Variants in KLHDC7B observed in about 807,000 individuals in gnomAD.
KLHDC7B encodes kelch domain-containing protein 7B.
A neutral mutation model predicts 0.6 loss-of-function variants in KLHDC7B; 1 was observed. The ratio of observed to expected loss-of-function variants is 1.71; its 90% confidence interval spans 0.61 to 8.11. The LOEUF (loss-of-function observed/expected upper bound fraction) is 8.11, where lower values mean the gene tolerates loss of function less well. Ranked by LOEUF, KLHDC7B falls within the 30% of genes most tolerant of loss-of-function variation. The pLI, the probability that KLHDC7B is intolerant of heterozygous loss-of-function variation, is 0.13. For missense variants in KLHDC7B, 993 were observed against 894.9 expected (o/e 1.11, Z -1.40); for synonymous variants, 462 against 405.2 (o/e 1.14, Z -1.68).
chr22:50,549,744 G>GGGCCC lies in KLHDC7B; in HGVS notation c.1578_1579insGGCCC (p.Pro527GlyfsTer58). ...GGAGCAGGGCTGCCTCCCTGCCCCT[G>GGGCCC]CCCGCCCCCGCCCCACTGCACTGCA... is the stretch of plus-strand genomic sequence containing the variant. On this transcript the variant is annotated frameshift_variant, in exon 1 of 1. Transcript: ENST00000395676. LOFTEE classifies it low-confidence loss of function (END_TRUNC). The GGGCCC allele has an allele frequency of 1.9e-6, 3 of 1,554,508 alleles. No homozygotes were observed. The highest frequency in any genetic ancestry group is 2.6e-6 in the Non-Finnish European group (3 of 1,152,326).
Position 50,549,172 on chromosome 22 carries a change from A to G in KLHDC7B, c.2929A>G (p.Thr977Ala), listed in dbSNP as rs142853011. ...NPRENTWRPL[T>A]QVPEEAPLRG... The stretch of plus-strand genomic sequence containing the variant: ...CCGGGAGAACACCTGGCGGCCCCTG[A>G]CCCAGGTGCCCGAGGAGGCCCCGCT... The change falls in exon 1 of 1, where the codon ACC (threonine) becomes GCC (alanine). Residue 977 changes from threonine (T) to alanine (A), a missense_variant. Coordinates refer to ENST00000648057, the MANE Select transcript of KLHDC7B (RefSeq NM_138433.5). 8.7e-6 allele frequency: 14 copies of G among 1,605,188 alleles called. No homozygotes were observed. In the South Asian group the frequency reaches 1.1e-4, roughly 13 times the overall value.
At position 50,548,640 on chromosome 22, in the gene KLHDC7B, G is replaced by A. The variant is rs1166947150; in HGVS notation, c.2397G>A (p.Ala799=). The A allele has an allele frequency of 7.8e-6, 12 of 1,533,012 alleles. No individual in the cohort carries two copies. Among genetic ancestry groups the A allele is most frequent in the Non-Finnish European group, 7.0e-6 (8 of 1,139,994 alleles). The allele number at this position is 1,533,012 out of a possible 1,614,324, so 95.0% of individuals were successfully genotyped here. ...PAASGDPQGE[A]PGEGGSPAGR... ...CCTCGGGGGACCCTCAAGGGGAGGC[G>A]CCGGGGGAGGGGGGCAGCCCTGCCG... Residue 799 remains alanine (A), a synonymous_variant, in exon 1 of 1, where the codon GCG becomes GCA. Transcript: ENST00000648057. The surrounding 1 kb of genome is among the most constrained non-coding windows in gnomAD (Gnocchi z 5.3).
Position 50,549,631 on chromosome 22 carries a change from G to T in KLHDC7B, c.3388G>T (p.Val1130Leu). The stretch of plus-strand genomic sequence containing the variant: ...CAGCCACCGGCGTTCCAGCGACATC[G>T]TGGCACTGGGGGGCTTCCTGTACCG... ...SASHRRSSDI[V>L]ALGGFLYRFD... The change falls in exon 1 of 1, where the codon GTG (valine) becomes TTG (leucine). Residue 1130 changes from valine (V) to leucine (L), a missense_variant. Physicochemically the swap from Val to Leu is conservative, Grantham distance 32. Coordinates refer to ENST00000648057, the MANE Select transcript of KLHDC7B (RefSeq NM_138433.5). 1 of 1,557,934 alleles carries T rather than the reference G, an allele frequency of 6.4e-7. No individual in the cohort carries two copies. Among genetic ancestry groups the T allele is most frequent in the Non-Finnish European group, 8.7e-7 (1 of 1,148,900 alleles).
In KLHDC7B at chr22:50,548,826, G is replaced by A. The variant is rs1387888202; in HGVS notation, c.2583G>A (p.Leu861=). The change falls in exon 1 of 1, where the codon CTG becomes CTA. Residue 861 remains leucine, a synonymous_variant. Coordinates refer to ENST00000648057, the MANE Select transcript of KLHDC7B (RefSeq NM_138433.5). The surrounding 1 kb of genome is among the most constrained non-coding windows in gnomAD (Gnocchi z 5.3). ...CAGCCCTGCGGCGGCGGCTGGACCT[G>A]GGCAGTTGCCTGGACGTGCTGGCCT... ...TAAALRRRLD[L]GSCLDVLAFA... The A allele has an allele frequency of 3.3e-6, 5 of 1,528,464 alleles. No individual in the cohort carries two copies. The highest frequency in any genetic ancestry group is 4.4e-6 in the Non-Finnish European group (5 of 1,140,892). 94.7% of individuals were successfully genotyped at this position (1,528,464 alleles called of 1,614,324 possible).
Position 50,550,531 on chromosome 22 carries a change from T to C in KLHDC7B, c.*580T>C. ...GGTCCGCTGGTGCAGCCCTGCTGTC[T>C]GCAGCTCCTGCCCATACCCCCAGCC... On this transcript the variant is annotated 3_prime_UTR_variant, in exon 1 of 1. Coordinates refer to ENST00000648057, the MANE Select transcript of KLHDC7B (RefSeq NM_138433.5). 6.0e-6 allele frequency: 1 copy of C among 167,548 alleles called. No homozygotes were observed. Among genetic ancestry groups the C allele is most frequent in the Non-Finnish European group, 1.4e-5 (1 of 69,034 alleles). 10.4% of individuals were successfully genotyped at this position (167,548 alleles called of 1,614,324 possible).
rs774181677 is a variant in KLHDC7B at position 50,548,564 on chromosome 22, G to A, written c.2321G>A (p.Arg774His). ...CAGCCGGTACCCCAGCTACGGAAAC[G>A]CAGCAGGTGCGAAATCGCCCCGAGC... is the stretch of plus-strand genomic sequence containing the variant. Reference protein sequence around the residue: ...RSQPVPQLRKRSRCEIAPSSE... With the variant: ...RSQPVPQLRKHSRCEIAPSSE... Residue 774 changes from arginine (R) to histidine (H), a missense_variant, in exon 1 of 1, where the codon CGC becomes CAC. Physicochemically the swap from Arg to His is conservative, Grantham distance 29 (BLOSUM62 0). Coordinates refer to ENST00000648057, the MANE Select transcript of KLHDC7B (RefSeq NM_138433.5). The surrounding 1 kb of genome is among the most constrained non-coding windows in gnomAD (Gnocchi z 5.3). 2 of 1,548,332 alleles carry A rather than the reference G, an allele frequency of 1.3e-6. No homozygotes were observed. Among genetic ancestry groups the A allele is most frequent in the South Asian group, 1.2e-5 (1 of 84,172 alleles).
Position 50,547,449 on chromosome 22 carries a change from A to T in KLHDC7B, c.1206A>T (p.Ala402=). The T allele has an allele frequency of 2.7e-6, 1 of 373,990 alleles. No homozygotes were observed. Among genetic ancestry groups the T allele is most frequent in the Non-Finnish European group, 4.7e-6 (1 of 210,884 alleles). The allele number at this position is 373,990 out of a possible 1,614,324, so 23.2% of individuals were successfully genotyped here. The change falls in exon 1 of 1, where the codon GCA becomes GCT. Residue 402 remains alanine (A), a synonymous_variant. Coordinates refer to ENST00000648057, the MANE Select transcript of KLHDC7B (RefSeq NM_138433.5). ...CCCCGGAGCAAGCAAAGCCGGCTGCAGCCGGCCACAGCCGCGCGCCCTCCC... is the reference window on the plus strand; with the variant it reads ...CCCCGGAGCAAGCAAAGCCGGCTGCTGCCGGCCACAGCCGCGCGCCCTCCC... ...TRPPEQAKPA[A]AGHSRAPSRS...
chr22:50,548,589 C>A lies in KLHDC7B; in HGVS notation c.2346C>A (p.Ser782Arg), dbSNP rs1325020270. 6.5e-7 allele frequency: 1 copy of A among 1,546,138 alleles called. No individual in the cohort carries two copies. ...GCAGCAGGTGCGAAATCGCCCCGAG[C>A]TCGGAGCAGGAGGTCAGGCCGGCCG... ...RKRSRCEIAPSSEQEVRPAAS... is the reference protein window; with the variant it reads ...RKRSRCEIAPRSEQEVRPAAS... The change falls in exon 1 of 1, where the codon AGC becomes AGA. Residue 782 changes from serine to arginine, a missense_variant. By Grantham distance (110) the Ser-to-Arg change is moderately radical (BLOSUM62 -1). Coordinates refer to ENST00000648057, the MANE Select transcript of KLHDC7B (RefSeq NM_138433.5). This position sits in a 1 kb window ranked among gnomAD's most constrained non-coding sequence, Gnocchi z 5.3.
chr22:50,549,259 T>A lies in KLHDC7B; in HGVS notation c.3016T>A (p.Ser1006Thr). Residue 1006 changes from serine (S) to threonine (T), a missense_variant, in exon 1 of 1, where the codon TCC becomes ACC. Ser to Thr is a moderately conservative substitution (Grantham distance 58). Coordinates refer to ENST00000648057, the MANE Select transcript of KLHDC7B (RefSeq NM_138433.5). ...GTTTCTGGCGGGGGGCATCCGTGGC[T>A]CCGGTGCCAAGGCCGTCTGCTCCAA... ...YLFLAGGIRGSGAKAVCSNEV... is the reference protein window; with the variant it reads ...YLFLAGGIRGTGAKAVCSNEV... 1 of 1,610,926 alleles carries A rather than the reference T, an allele frequency of 6.2e-7. No homozygotes were observed. The highest frequency in any genetic ancestry group is 8.5e-7 in the Non-Finnish European group (1 of 1,179,946).
Position 50,548,063 on chromosome 22 carries a change from CA to C in KLHDC7B, c.-103del. 1 of 1,325,226 alleles carries C rather than the reference CA, an allele frequency of 7.5e-7. No individual in the cohort carries two copies. The highest frequency in any genetic ancestry group is 3.5e-5 in the Admixed American group (1 of 28,892). The allele number at this position is 1,325,226 out of a possible 1,614,324, so 82.1% of individuals were successfully genotyped here. A position where few individuals can be genotyped will look rare whatever the true frequency, so the allele number is the denominator to read the frequency against. ...TCAGCCCCAACCCCAACCCCAGCCG[CA>C]TCCCCTGCCCCAGCTGACGGGTCAA... On this transcript the variant is annotated 5_prime_UTR_variant, in exon 1 of 1. Transcript: ENST00000395676. This position sits in a 1 kb window ranked among gnomAD's most constrained non-coding sequence, Gnocchi z 5.3.
Position 50,548,324 on chromosome 22 carries a change from C to G in KLHDC7B, c.2081C>G (p.Thr694Arg). ...SSVGTVIGTG[T>R]GGLVEAGGQP... ...GTGGGGACAGTCATAGGGACAGGTACAGGGGGCCTGGTTGAGGCTGGAGGT... is the reference window on the plus strand; with the variant it reads ...GTGGGGACAGTCATAGGGACAGGTAGAGGGGGCCTGGTTGAGGCTGGAGGT... The change falls in exon 1 of 1, where the codon ACA becomes AGA. Residue 694 changes from threonine to arginine, a missense_variant. Thr to Arg is a moderately conservative substitution (Grantham distance 71). Coordinates refer to ENST00000648057, the MANE Select transcript of KLHDC7B (RefSeq NM_138433.5). The surrounding 1 kb of genome is among the most constrained non-coding windows in gnomAD (Gnocchi z 5.3). 3 of 1,551,026 alleles carry G rather than the reference C, an allele frequency of 1.9e-6. No individual in the cohort carries two copies. Among genetic ancestry groups the G allele is most frequent in the Non-Finnish European group, 2.6e-6 (3 of 1,146,960 alleles).
chr22:50,548,021 C>T lies in KLHDC7B; in HGVS notation c.1778C>T (p.Pro593Leu). 1 of 662,240 alleles carries T rather than the reference C, an allele frequency of 1.5e-6. No homozygotes were observed. Among genetic ancestry groups the T allele is most frequent in the Non-Finnish European group, 2.1e-6 (1 of 466,344 alleles). 41.0% of individuals were successfully genotyped at this position (662,240 alleles called of 1,614,324 possible). A position where few individuals can be genotyped will look rare whatever the true frequency, so the allele number is the denominator to read the frequency against. The change falls in exon 1 of 1, where the codon CCT becomes CTT. Residue 593 changes from proline to leucine, a missense_variant. Transcript: ENST00000648057. The surrounding 1 kb of genome is among the most constrained non-coding windows in gnomAD (Gnocchi z 5.3). Reference sequence around the variant, plus strand: ...CCAGCCCCAACCCCAGCCGCATCCCCTGCCCCAGCCCCCACCTCAGCCCCA... The same window carrying T: ...CCAGCCCCAACCCCAGCCGCATCCCTTGCCCCAGCCCCCACCTCAGCCCCA... ...PTPAPTPAASPAPAPTSAPTP... is the reference protein window; with the variant it reads ...PTPAPTPAASLAPAPTSAPTP...
In KLHDC7B at chr22:50,546,106, C is replaced by T. The variant is rs2069725953; in HGVS notation, c.-138C>T. Reference sequence around the variant, plus strand: ...GCCTGAGTGCAAGCAGAGACCCCACCATTCCCAGGCCCTGGAGGACTGGTC... The same window carrying T: ...GCCTGAGTGCAAGCAGAGACCCCACTATTCCCAGGCCCTGGAGGACTGGTC... On this transcript the variant is annotated 5_prime_UTR_variant, in exon 1 of 1. Coordinates refer to ENST00000648057, the MANE Select transcript of KLHDC7B (RefSeq NM_138433.5). Among the ~76,000 whole-genome samples, 1 of 152,206 alleles carries T rather than the reference C, an allele frequency of 6.6e-6. No homozygotes were observed. Among genetic ancestry groups the T allele is most frequent in the African/African-American group, 2.4e-5 (1 of 41,446 alleles).
Position 50,549,166 on chromosome 22 carries a change from C to T in KLHDC7B, c.2923C>T (p.Pro975Ser). ...VFNPRENTWRPLTQVPEEAPL... is the reference protein window; with the variant it reads ...VFNPRENTWRSLTQVPEEAPL... The stretch of plus-strand genomic sequence containing the variant: ...CAACCCCCGGGAGAACACCTGGCGG[C>T]CCCTGACCCAGGTGCCCGAGGAGGC... Residue 975 changes from proline to serine, a missense_variant, in exon 1 of 1, where the codon CCC (proline) becomes TCC (serine). By Grantham distance (74) the Pro-to-Ser change is moderately conservative (BLOSUM62 -1). Transcript: ENST00000648057. The T allele has an allele frequency of 6.2e-7, 1 of 1,604,770 alleles. No individual in the cohort carries two copies. The highest frequency in any genetic ancestry group is 2.2e-5 in the East Asian group (1 of 44,846).
Position 50,549,195 on chromosome 22 carries a change from G to T in KLHDC7B, c.2952G>T (p.Pro984=), listed in dbSNP as rs775602194. 5.0e-6 allele frequency: 8 copies of T among 1,606,354 alleles called. No individual in the cohort carries two copies. The highest frequency in any genetic ancestry group is 6.8e-6 in the Non-Finnish European group (8 of 1,179,726). Residue 984 remains proline, a synonymous_variant, in exon 1 of 1, where the codon CCG becomes CCT. Coordinates refer to ENST00000648057, the MANE Select transcript of KLHDC7B (RefSeq NM_138433.5). ...TGACCCAGGTGCCCGAGGAGGCCCC[G>T]CTTCGGGGCTGCGGTCTCTGCACCA... ...RPLTQVPEEA[P]LRGCGLCTMH...
Position 50,549,777 on chromosome 22 carries a change from G to A in KLHDC7B, c.3534G>A (p.Leu1178=). The A allele has an allele frequency of 6.3e-7, 1 of 1,595,802 alleles. No individual in the cohort carries two copies. The highest frequency in any genetic ancestry group is 8.5e-7 in the Non-Finnish European group (1 of 1,174,532). Residue 1178 remains leucine, a synonymous_variant, in exon 1 of 1, where the codon CTG becomes CTA. Coordinates refer to ENST00000648057, the MANE Select transcript of KLHDC7B (RefSeq NM_138433.5). ...CCGCCCCACTGCACTGCACCACCCT[G>A]GGCAACACCATTTACTGCCTCAACC... ...PAPAPLHCTT[L]GNTIYCLNPQ...
rs536116760 is a variant in KLHDC7B at position 50,550,385 on chromosome 22, C to T, written c.*434C>T. On this transcript the variant is annotated 3_prime_UTR_variant, in exon 1 of 1. Coordinates refer to ENST00000648057, the MANE Select transcript of KLHDC7B (RefSeq NM_138433.5). The stretch of plus-strand genomic sequence containing the variant: ...AGGGAGCAAAAACGTCCCCAGGCAA[C>T]GCCCTCGCCTCTGGGACTTTCTGCC... 93 of 181,082 alleles carry T rather than the reference C, an allele frequency of 5.1e-4. No homozygotes were observed. Among genetic ancestry groups the T allele is most frequent in the Non-Finnish European group, 9.9e-4 (77 of 78,168 alleles). 11.2% of individuals were successfully genotyped at this position (181,082 alleles called of 1,614,324 possible). A position where few individuals can be genotyped will look rare whatever the true frequency, so the allele number is the denominator to read the frequency against.
Position 50,548,164 on chromosome 22 carries a change from G to A in KLHDC7B, c.1921G>A (p.Ala641Thr), listed in dbSNP as rs1466577249. The A allele has an allele frequency of 6.6e-7, 1 of 1,504,044 alleles. No individual in the cohort carries two copies. 93.2% of individuals were successfully genotyped at this position (1,504,044 alleles called of 1,614,324 possible). ...QVSASWGNLI[A>T]MVLRSHPFPR... ...CTCAGCCAGCTGGGGAAACCTTATT[G>A]CCATGGTTCTTAGAAGCCACCCCTT... Residue 641 changes from alanine to threonine, a missense_variant, in exon 1 of 1, where the codon GCC becomes ACC. Transcript: ENST00000648057. This position sits in a 1 kb window ranked among gnomAD's most constrained non-coding sequence, Gnocchi z 5.3.
rs966771602 is a variant in KLHDC7B at position 50,548,192 on chromosome 22, C to G, written c.1949C>G (p.Pro650Arg). 1.3e-6 allele frequency: 2 copies of G among 1,528,428 alleles called. No homozygotes were observed. Among genetic ancestry groups the G allele is most frequent in the African/African-American group, 1.4e-5 (1 of 72,348 alleles). The allele number at this position is 1,528,428 out of a possible 1,614,324, so 94.7% of individuals were successfully genotyped here. Residue 650 changes from proline to arginine, a missense_variant, in exon 1 of 1, where the codon CCC (proline) becomes CGC (arginine). Coordinates refer to ENST00000648057, the MANE Select transcript of KLHDC7B (RefSeq NM_138433.5). This position sits in a 1 kb window ranked among gnomAD's most constrained non-coding sequence, Gnocchi z 5.3. ...IAMVLRSHPF[P>R]RQDRPQGSVP... ...ATGGTTCTTAGAAGCCACCCCTTCC[C>G]CAGGCAAGACAGGCCCCAAGGGAGT...
Sources: allele counts gnomAD v4.1 joint callset (sites outside exome capture counted in the v4.1 genomes callset), GRCh38; gene constraint gnomAD v4.1.1; non-coding constraint Gnocchi (gnomAD v3.1); transcripts MANE v1.5; gene names NCBI Gene and HGNC (gene_info 2026-07-23, HGNC 2026-07-21).